Variants in LAMA1 observed in about 807,000 individuals in gnomAD.
LAMA1 encodes laminin subunit alpha-1.
A neutral mutation model predicts 348.7 loss-of-function variants in LAMA1; 219 were observed. The ratio of observed to expected loss-of-function variants is 0.63; its 90% CI spans 0.56 to 0.70. LAMA1 has a LOEUF of 0.70. Among genes scored for constraint, LAMA1 ranks in the 30% least tolerant of loss-of-function variants. The pLI is 0.00. For missense variants in LAMA1, 3,744 were observed against 3,888.0 expected (o/e 0.96, Z 0.99); for synonymous variants, 1,487 against 1,491.0 (o/e 1.00, Z 0.06).
chr18:6,993,320 T>C (rs915249509), intron 35 of LAMA1, among the ~76,000 whole-genome samples: 1 of 152,094 alleles, frequency 6.6e-6, no homozygotes, highest in Non-Finnish European at 1.5e-5. Flanking sequence ...CTAACTGAAG[T>C]CCCAAATCCT....
At chr18:7,019,188 C>T (rs2057904077) in intron 19 of LAMA1, among the ~76,000 whole-genome samples, 1 of 152,096 alleles carries the variant, frequency 6.6e-6, no homozygotes, top group Admixed American at 6.5e-5. Context: ...TGCAACTGTT[C>T]TCCCTAAAGT....
chr18:6,983,506 T>G (rs1057316863), intron 39 of LAMA1, among the ~76,000 whole-genome samples: 1 of 152,180 alleles, frequency 6.6e-6, no homozygotes, highest in Non-Finnish European at 1.5e-5. Context: ...AGACGACCAT[T>G]CATCACTTTC....
chr18:6,951,427 C>T (rs925212637), intron 57 of LAMA1, among the ~76,000 whole-genome samples: 1 of 152,192 alleles, frequency 6.6e-6, no homozygotes, highest in Non-Finnish European at 1.5e-5. Context: ...ACCAGAGTTA[C>T]TGCAGGTGTG....
chr18:6,999,321 A>C, intron 32 of LAMA1, 124 bp downstream of exon 32: 1 of 974,338 alleles, frequency 1.0e-6, no homozygotes, highest in Non-Finnish European at 1.6e-6. Context: ...CTTAGAAAAT[A>C]AGAAAATGAA....
intron 1 of LAMA1, among the ~76,000 whole-genome samples, chr18:7,107,121 C>CT (rs34984235): frequency 0.3 from 40,667 of 136,872 alleles, 6,553 homozygotes; most frequent in South Asian, 0.35. Context: ...GAGAAAACTC[C>CT]TTTTTTTTTT....
At chr18:6,982,972 G>T in intron 40 of LAMA1, 127 bp downstream of exon 40, 1 of 1,240,110 alleles carries the variant, frequency 8.1e-7, no homozygotes, top group Non-Finnish European at 1.2e-6. Context: ...GATGACAGAA[G>T]CCAGAAACAG....
Position 7,078,148 on chromosome 18 carries a change from T to TGTTTTTTTTC in LAMA1, c.345+1826_345+1827insGAAAAAAAAC, listed in dbSNP as rs767504410. Among the ~76,000 whole-genome samples, 114 of 150,334 alleles carry TGTTTTTTTTC rather than the reference T, an allele frequency of 7.6e-4. 1 individual carries two copies. The South Asian group carries it at 0.023, about 31-fold the overall frequency. On this transcript the variant is annotated intron_variant, in intron 3 of 62. Transcript: ENST00000389658. ...GCTCTTTTCTCTTTTTATTTTTTTT[T>TGTTTTTTTTC]GTTTTTTATTTTATTTTATTTTATT...
chr18:7,082,657 T>C (rs1046005418), intron 1 of LAMA1, among the ~76,000 whole-genome samples: 5 of 152,334 alleles, frequency 3.3e-5, no homozygotes, highest in Admixed American at 3.3e-4. Flanking sequence ...CAGCTAATCA[T>C]TTTAAATAAA....
intron 55 of LAMA1, 169 bp from the exon 56 acceptor site, chr18:6,956,934 T>C: frequency 1.4e-6 from 1 of 704,732 alleles, no homozygotes; most frequent in Non-Finnish European, 2.4e-6. Flanking sequence ...CCAAACATGC[T>C]ATCTTAATAT....
At chr18:7,027,315 C>T (rs1056259052) in intron 16 of LAMA1, among the ~76,000 whole-genome samples, 44 of 151,488 alleles carry the variant, frequency 2.9e-4, no homozygotes, top group African/African-American at 9.9e-4. Context: ...GCAAACTATT[C>T]TCAAGGAGTT....
intron 3 of LAMA1, among the ~76,000 whole-genome samples, chr18:7,062,820 T>A (rs2058107851): frequency 6.6e-6 from 1 of 152,148 alleles, no homozygotes; most frequent in African/African-American, 2.4e-5. Context: ...TGGCTAAAAA[T>A]TCAACTTCTT....
intron 16 of LAMA1, among the ~76,000 whole-genome samples, chr18:7,026,532 C>T (rs1288101550): frequency 6.6e-6 from 1 of 152,178 alleles, no homozygotes; most frequent in South Asian, 2.1e-4. Context: ...AATTGACCAA[C>T]ACCTTGCCTG....
rs574254138 is a variant in LAMA1 at position 7,009,892 on chromosome 18, C to T, written c.3873+308G>A. 6.6e-5 allele frequency among the ~76,000 whole-genome samples: 10 copies of T among 152,198 alleles called. No homozygotes were observed. The South Asian group carries it at 1.2e-3, about 19-fold the overall frequency. ...CACAATCTCGGCTCACTGCAACCTC[C>T]GCCTCCTGGGTTCAAGAGATTCTCC... On this transcript the variant is annotated intron_variant, in intron 26 of 62. Transcript: ENST00000389658.
At chr18:7,013,480 A>G (rs1189692582) in intron 23 of LAMA1, among the ~76,000 whole-genome samples, 1 of 152,168 alleles carries the variant, frequency 6.6e-6, no homozygotes, top group Non-Finnish European at 1.5e-5. Flanking sequence ...ATAACCTCAC[A>G]GGGATCACAT....
At chr18:7,077,175 G>A (rs1598307924) in intron 3 of LAMA1, among the ~76,000 whole-genome samples, 2 of 149,064 alleles carry the variant, frequency 1.3e-5, no homozygotes, top group East Asian at 2.0e-4. Context: ...ATAACTATAT[G>A]TCTATGGTTT....
At position 7,016,633 on chromosome 18, in the gene LAMA1, C is replaced by T. The variant is rs2057889500; in HGVS notation, c.2847G>A (p.Arg949=). Residue 949 remains arginine (R), a synonymous_variant, in exon 21 of 63, where the codon CGG becomes CGA. Coordinates refer to ENST00000389658, the MANE Select transcript of LAMA1 (RefSeq NM_005559.4). ...YYGLDSGHGC[R]PCNCSVAGSV... is the part of the protein sequence containing the mutation. The stretch of plus-strand genomic sequence containing the variant: ...AGCCTGCCACGCTGCAGTTGCAGGG[C>T]CGGCAGCCATGGCCTGAGTCCAGCC... 2 of 1,613,750 alleles carry T rather than the reference C, an allele frequency of 1.2e-6. No homozygotes were observed. Among genetic ancestry groups the T allele is most frequent in the Admixed American group, 1.7e-5 (1 of 59,992 alleles).
intron 3 of LAMA1, among the ~76,000 whole-genome samples, chr18:7,066,652 G>A (rs7241949): frequency 6.6e-6 from 1 of 151,996 alleles, no homozygotes; most frequent in Non-Finnish European, 1.5e-5. Context: ...CCAGTACAGT[G>A]ACATAATGTG....
intron 42 of LAMA1, among the ~76,000 whole-genome samples, chr18:6,979,849 A>G (rs773099525): frequency 2.0e-5 from 3 of 152,194 alleles, no homozygotes; most frequent in Non-Finnish European, 4.4e-5. Flanking sequence ...CAGTGAGCCA[A>G]GATCGCGCCA....
chr18:6,943,587 A>G (rs928827422), intron 61 of LAMA1, among the ~76,000 whole-genome samples, 185 bp from the exon 62 acceptor site: 1 of 152,128 alleles, frequency 6.6e-6, no homozygotes, highest in African/African-American at 2.4e-5. Context: ...GGTGGCTCAC[A>G]CCTGTAATCC....
Sources: allele counts gnomAD v4.1 joint callset (sites outside exome capture counted in the v4.1 genomes callset), GRCh38; gene constraint gnomAD v4.1.1; transcripts MANE v1.5; gene names NCBI Gene and HGNC (gene_info 2026-07-23, HGNC 2026-07-21).